The following MAMSTR variants were observed in gnomAD, a reference collection of about 807,000 sequenced individuals.
MAMSTR encodes MEF2-activating motif and SAP domain-containing transcriptional regulator.
Under a neutral mutation model 42.7 loss-of-function variants are expected in MAMSTR, and 41 were observed. The observed-to-expected ratio is 0.96, with a 90% CI of 0.75 to 1.25. The LOEUF (loss-of-function observed/expected upper bound fraction) is 1.25, where lower values mean the gene tolerates loss of function less well. Ranked by LOEUF, MAMSTR falls within the 50% of genes most tolerant of loss-of-function variation. The pLI is 0.00. For synonymous variants in MAMSTR, 265 were observed against 244.1 expected (o/e 1.09, Z -0.80); for missense variants, 567 against 557.6 (o/e 1.02, Z -0.17).
intron 2 of MAMSTR, among the ~76,000 whole-genome samples, chr19:48,718,520 T>G (rs1401788068): frequency 6.6e-6 from 1 of 151,676 alleles, no homozygotes; most frequent in Non-Finnish European, 1.5e-5. Flanking sequence ...CCCAAGTAGC[T>G]GGGATTACAG....
At chr19:48,710,014 C>T (rs111518382), downstream of MAMSTR, among the ~76,000 whole-genome samples, 17 of 151,762 alleles carry the variant, frequency 1.1e-4, no homozygotes, top group South Asian at 4.2e-4. Context: ...GGACTACAGG[C>T]GCCCACCACT....
chr19:48,716,572 G>A lies in MAMSTR; in HGVS notation c.97+133C>T, dbSNP rs969252139. On this transcript the variant is annotated intron_variant, in intron 3 of 9. Coordinates refer to ENST00000318083, the MANE Select transcript of MAMSTR (RefSeq NM_001130915.2). The stretch of plus-strand genomic sequence containing the variant: ...TGGATCCTTGGGAAAGGACAGGATG[G>A]GATTTTGGTCTGTCCCAGGGGATGG... 5.4e-5 allele frequency: 55 copies of A among 1,013,904 alleles called. 1 individual carries two copies. Among genetic ancestry groups the A allele is most frequent in the Non-Finnish European group, 2.7e-5 (21 of 778,614 alleles). The allele number at this position is 1,013,904 out of a possible 1,614,324, so 62.8% of individuals were successfully genotyped here. A position where few individuals can be genotyped will look rare whatever the true frequency, so the allele number is the denominator to read the frequency against.
chr19:48,719,266 C>T lies in MAMSTR; in HGVS notation c.-21-214G>A, dbSNP rs528552977. Among the ~76,000 whole-genome samples the T allele has an allele frequency of 6.6e-6, 1 of 152,132 alleles. No individual in the cohort carries two copies. The highest frequency in any genetic ancestry group is 2.4e-5 in the African/African-American group (1 of 41,514). ...CTCCGAGGAAGGAGGAAGCTGGGGA[C>T]CCAGACACCTGGTCTGAAAGACAGG... On this transcript the variant is annotated intron_variant, in intron 1 of 9. Transcript: ENST00000318083. This position sits in a 1 kb window ranked among gnomAD's most constrained non-coding sequence, Gnocchi z 4.4.
the MAMSTR span, among the ~76,000 whole-genome samples, chr19:48,706,675 A>G: frequency 2.0e-5 from 3 of 152,116 alleles, no homozygotes; most frequent in Admixed American, 6.6e-5. Flanking sequence ...GATTTTTTAG[A>G]TCTCAATATT....
At position 48,714,379 on chromosome 19, in the gene MAMSTR, C is replaced by T. The variant is rs1253559729; in HGVS notation, c.710G>A (p.Arg237Gln). 1.5e-6 allele frequency: 2 copies of T among 1,364,236 alleles called. No homozygotes were observed. Among genetic ancestry groups the T allele is most frequent in the Non-Finnish European group, 1.9e-6 (2 of 1,065,672 alleles). The allele number at this position is 1,364,236 out of a possible 1,614,324, so 84.5% of individuals were successfully genotyped here. A position where few individuals can be genotyped will look rare whatever the true frequency, so the allele number is the denominator to read the frequency against. Residue 237 changes from arginine to glutamine, a missense_variant, in exon 7 of 10, where the codon CGG (arginine) becomes CAG (glutamine). By Grantham distance (43) the Arg-to-Gln change is conservative (BLOSUM62 1). Coordinates refer to ENST00000318083, the MANE Select transcript of MAMSTR (RefSeq NM_001130915.2). ...RLKPKALAAA[R>Q]RQGSVKPSAA... ...CCCCGCCCTCACCGAGCCCTGACGCCGGGCGGCTGCCAGGGCCTTGGGCTT... is the reference window on the plus strand; with the variant it reads ...CCCCGCCCTCACCGAGCCCTGACGCTGGGCGGCTGCCAGGGCCTTGGGCTT...
In MAMSTR at chr19:48,715,509, A is replaced by C. The variant is rs572549137; in HGVS notation, c.241-63T>G. ...GCTCCCACCTTCCGGCCCCAGGACT[A>C]CATGCAAAGTATGGGGTCAGCTCGG... On this transcript the variant is annotated intron_variant, in intron 4 of 9. Transcript: ENST00000318083. 2.7e-6 allele frequency: 4 copies of C among 1,462,674 alleles called. No homozygotes were observed. In the East Asian group the frequency reaches 1.0e-4, roughly 37 times the overall value. The allele number at this position is 1,462,674 out of a possible 1,614,324, so 90.6% of individuals were successfully genotyped here. A position where few individuals can be genotyped will look rare whatever the true frequency, so the allele number is the denominator to read the frequency against.
chr19:48,714,713 C>T, intron 6 of MAMSTR, 93 bp downstream of exon 6: 1 of 1,297,850 alleles, frequency 7.7e-7, no homozygotes, highest in Non-Finnish European at 1.1e-6. Flanking sequence ...TACCCGATCT[C>T]CTGGATTTCC....
chr19:48,716,097 C>T lies in MAMSTR; in HGVS notation c.98-330G>A, dbSNP rs570527552. Among the ~76,000 whole-genome samples, 26 of 152,162 alleles carry T rather than the reference C, an allele frequency of 1.7e-4. No homozygotes were observed. The South Asian group carries it at 5.2e-3, about 30-fold the overall frequency. On this transcript the variant is annotated intron_variant, in intron 3 of 9. Transcript: ENST00000318083. ...GAGAGGCTGAAAGCTACATCCAGGC[C>T]GGCCGCGGTGGCTCACGCCTGTAAT...
rs1378777188 is a variant in MAMSTR, at chr19:48,719,446, G to A, written c.-22+233C>T. 6.6e-6 allele frequency among the ~76,000 whole-genome samples: 1 copy of A among 152,140 alleles called. No homozygotes were observed. Among genetic ancestry groups the A allele is most frequent in the Non-Finnish European group, 1.5e-5 (1 of 68,018 alleles). ...AGTCTGGAATCTTGAAGGAGAAGGA[G>A]GTTAAGGGCTGGAACTCAATACTCT... On this transcript the variant is annotated intron_variant, in intron 1 of 9. Coordinates refer to ENST00000318083, the MANE Select transcript of MAMSTR (RefSeq NM_001130915.2). The surrounding 1 kb of genome is among the most constrained non-coding windows in gnomAD (Gnocchi z 4.4).
chr19:48,715,123 TG>T, intron 5 of MAMSTR, 138 bp downstream of exon 5: 1 of 750,560 alleles, frequency 1.3e-6, no homozygotes, highest in Non-Finnish European at 2.2e-6. Context: ...AGGGAGGGGC[TG>T]GGATCCTGGA....
In MAMSTR at chr19:48,714,373, T is replaced by G. The variant is rs1159771575; in HGVS notation, c.716A>C (p.Gln239Pro). ...KPKALAAARRQGSVKPSAASH... is the reference protein window; with the variant it reads ...KPKALAAARRPGSVKPSAASH... ...TCATAGCCCCGCCCTCACCGAGCCC[T>G]GACGCCGGGCGGCTGCCAGGGCCTT... Residue 239 changes from glutamine to proline, a missense_variant, in exon 7 of 10, where the codon CAG becomes CCG. Gln to Pro is a moderately conservative substitution (Grantham distance 76). Coordinates refer to ENST00000318083, the MANE Select transcript of MAMSTR (RefSeq NM_001130915.2). 8.8e-6 allele frequency: 12 copies of G among 1,364,658 alleles called. No homozygotes were observed. The highest frequency in any genetic ancestry group is 1.1e-5 in the Non-Finnish European group (12 of 1,066,114). The allele number at this position is 1,364,658 out of a possible 1,614,324, so 84.5% of individuals were successfully genotyped here. A position where few individuals can be genotyped will look rare whatever the true frequency, so the allele number is the denominator to read the frequency against.
rs745553465 is a variant in MAMSTR at position 48,715,752 on chromosome 19, G to A, written c.113C>T (p.Pro38Leu). 4 of 1,542,026 alleles carry A rather than the reference G, an allele frequency of 2.6e-6. No individual in the cohort carries two copies. Among genetic ancestry groups the A allele is most frequent in the African/African-American group, 1.4e-5 (1 of 72,102 alleles). Reference sequence around the variant, plus strand: ...AGGAGGGTCTGAGGCTGAGATCCACGGGTCCGGATCCGAGACTGGAGAGAC... The same window carrying A: ...AGGAGGGTCTGAGGCTGAGATCCACAGGTCCGGATCCGAGACTGGAGAGAC... ...RNQEQISDPD[P>L]WISASDPPLA... The change falls in exon 4 of 10, where the codon CCG becomes CTG. Residue 38 changes from proline to leucine, a missense_variant. Pro to Leu is a moderately conservative substitution (Grantham distance 98, BLOSUM62 -3). Coordinates refer to ENST00000318083, the MANE Select transcript of MAMSTR (RefSeq NM_001130915.2).
chr19:48,715,484 G>C, intron 4 of MAMSTR, 38 bp from the exon 5 acceptor site: 1 of 1,467,106 alleles, frequency 6.8e-7, no homozygotes, highest in Non-Finnish European at 9.0e-7. Flanking sequence ...CTTCAGCGCG[G>C]CTCCCACCTT....
chr19:48,719,367 G>C lies in MAMSTR; in HGVS notation c.-22+312C>G, dbSNP rs916098186. ...GGACTCCTGGGTCCTGAGGAGGAAG[G>C]GTTGCGGGTTGGGACCCCTGTGTCT... On this transcript the variant is annotated intron_variant, in intron 1 of 9. Transcript: ENST00000318083. The surrounding 1 kb of genome is among the most constrained non-coding windows in gnomAD (Gnocchi z 4.4). Among the ~76,000 whole-genome samples the C allele has an allele frequency of 6.6e-6, 1 of 152,086 alleles. No individual in the cohort carries two copies. The highest frequency in any genetic ancestry group is 2.4e-5 in the African/African-American group (1 of 41,420).
intron 7 of MAMSTR, 37 bp downstream of exon 7, chr19:48,714,329 T>C: frequency 1.5e-6 from 2 of 1,347,042 alleles, no homozygotes; most frequent in Non-Finnish European, 1.9e-6. Flanking sequence ...CTTTGCTTTC[T>C]CTTCATTGGT....
chr19:48,707,048 A>G, the MAMSTR span, among the ~76,000 whole-genome samples: 4 of 152,108 alleles, frequency 2.6e-5, no homozygotes, highest in African/African-American at 7.2e-5. Flanking sequence ...GTGAGCCACA[A>G]TCACACCTGT....
At chr19:48,716,979 G>A (rs1601255637) in intron 2 of MAMSTR, 3 of 1,158,334 alleles carry the variant, frequency 2.6e-6, no homozygotes, top group African/African-American at 1.6e-5. Flanking sequence ...GCCAGCCAGC[G>A]TGCAGGCTGG....
At position 48,714,026 on chromosome 19, in the gene MAMSTR, G is replaced by C; in HGVS notation, c.743C>G (p.Ser248Cys). Residue 248 changes from serine to cysteine, a missense_variant, in exon 8 of 10, where the codon TCT (serine) becomes TGT (cysteine). Physicochemically the swap from Ser to Cys is moderately radical, Grantham distance 112. Coordinates refer to ENST00000318083, the MANE Select transcript of MAMSTR (RefSeq NM_001130915.2). Reference sequence around the variant, plus strand: ...GGCACGTGGAAGAGGTGGCCTGTGAGATGCTGCGCTGGGCTTGACCTAGAG... The same window carrying C: ...GGCACGTGGAAGAGGTGGCCTGTGACATGCTGCGCTGGGCTTGACCTAGAG... ...RQGSVKPSAASHRPPLPRAAD... is the reference protein window; with the variant it reads ...RQGSVKPSAACHRPPLPRAAD... The C allele has an allele frequency of 6.2e-7, 1 of 1,600,286 alleles. No individual in the cohort carries two copies. The highest frequency in any genetic ancestry group is 1.1e-5 in the South Asian group (1 of 88,780).
downstream of MAMSTR, among the ~76,000 whole-genome samples, chr19:48,707,901 A>AAAGAAAAGAAAGAAAGAAAGG (rs1555755230): frequency 8.2e-4 from 106 of 128,502 alleles, no homozygotes; most frequent in African/African-American, 3.1e-3. Context: ...AGAAAGAAAG[A>AAAGAAAAGAAAGAAAGAAAGG]AAGGAAGAAA....
Sources: allele counts gnomAD v4.1 joint callset (sites outside exome capture counted in the v4.1 genomes callset), GRCh38; gene constraint gnomAD v4.1.1; non-coding constraint Gnocchi (gnomAD v3.1); transcripts MANE v1.5; gene names NCBI Gene and HGNC (gene_info 2026-07-23, HGNC 2026-07-21).